Variants in PPP2R5E observed in about 807,000 individuals in gnomAD.
The protein encoded by PPP2R5E is protein phosphatase 2 regulatory subunit B'epsilon, also known as serine/threonine-protein phosphatase 2A 56 kDa regulatory subunit epsilon isoform.
In PPP2R5E, 4 loss-of-function variants were observed where a neutral mutation model predicts 65.3. The ratio of observed to expected loss-of-function variants is 0.06; its 90% CI spans 0.03 to 0.14. The LOEUF is 0.14. Ranked by LOEUF, PPP2R5E falls within the 10% of genes least tolerant of loss-of-function variation. The pLI is 1.00. For missense variants in PPP2R5E, 274 were observed against 556.1 expected, an observed-to-expected ratio of 0.49 and a Z score of 5.10; for synonymous variants, 183 against 187.4, an observed-to-expected ratio of 0.98 and a Z score of 0.19.
intron 2 of PPP2R5E, among the ~76,000 whole-genome samples, chr14:63,490,535 T>A (rs924671269): frequency 2.0e-5 from 3 of 150,478 alleles, no homozygotes; most frequent in Non-Finnish European, 4.4e-5. Context: ...CTCAAACAAA[T>A]CAACAAGAAA....
chr14:63,514,718 G>A (rs531459052), intron 2 of PPP2R5E, among the ~76,000 whole-genome samples: 2 of 152,234 alleles, frequency 1.3e-5, no homozygotes, highest in South Asian at 4.1e-4. Flanking sequence ...GAATACAATC[G>A]TAAATGGACA....
At chr14:63,483,917 T>C (rs1355374804) in intron 2 of PPP2R5E, among the ~76,000 whole-genome samples, 1 of 151,838 alleles carries the variant, frequency 6.6e-6, no homozygotes, top group Non-Finnish European at 1.5e-5. Flanking sequence ...ACCCTGTCTC[T>C]ACTAAAAATA....
At chr14:63,481,950 G>A (rs148550796) in intron 2 of PPP2R5E, among the ~76,000 whole-genome samples, 11 of 152,270 alleles carry the variant, frequency 7.2e-5, no homozygotes, top group Admixed American at 2.0e-4. Flanking sequence ...TTTAGAAGAT[G>A]ATGGTAGGAA....
chr14:63,426,699 CAAAAAAAAAAA>C (rs1191603099), intron 3 of PPP2R5E, among the ~76,000 whole-genome samples: 9 of 54,794 alleles, frequency 1.6e-4, no homozygotes, highest in South Asian at 8.2e-4. Flanking sequence ...AAAGGCTTAT[CAAAAAAAAAAA>C]AAAAAAAAAA....
intron 13 of PPP2R5E, among the ~76,000 whole-genome samples, chr14:63,379,852 T>TTTTTTC (rs1566660796): frequency 5.0e-5 from 7 of 140,976 alleles, no homozygotes; most frequent in African/African-American, 1.9e-4. Context: ...TTTTTTTTTT[T>TTTTTTC]GAGACAGAGT....
At chr14:63,427,784 T>A (rs906837988) in intron 3 of PPP2R5E, among the ~76,000 whole-genome samples, 5 of 152,130 alleles carry the variant, frequency 3.3e-5, no homozygotes, top group African/African-American at 1.2e-4. Context: ...GCTTTTAGAA[T>A]CAGATCAGGT....
chr14:63,497,528 C>CA (rs1188822887), intron 2 of PPP2R5E, among the ~76,000 whole-genome samples: 1 of 152,020 alleles, frequency 6.6e-6, no homozygotes, highest in Non-Finnish European at 1.5e-5. Context: ...AGAGGTGGAT[C>CA]ACCTGAGGTC....
intron 1 of PPP2R5E, 91 bp from the exon 2 acceptor site, chr14:63,539,783 A>G (rs1157469315): frequency 1.6e-6 from 2 of 1,288,576 alleles, no homozygotes; most frequent in Admixed American, 2.3e-5. Context: ...CATATACAAT[A>G]TTCATGAAAA....
chr14:63,508,115 T>G lies in PPP2R5E; in HGVS notation c.157+31414A>C, dbSNP rs1244460554. 5.2e-6 allele frequency: 5 copies of G among 960,046 alleles called. No homozygotes were observed. The African/African-American group carries it at 8.8e-5, about 17-fold the overall frequency. The allele number at this position is 960,046 out of a possible 1,614,324, so 59.5% of individuals were successfully genotyped here. On this transcript the variant is annotated intron_variant, in intron 2 of 13. Coordinates refer to ENST00000337537, the MANE Select transcript of PPP2R5E (RefSeq NM_006246.5). Reference sequence around the variant, plus strand: ...CCCTCCTTCCCACCCCCACACACACTTCTACACACACGAGTGTTCTCTTCC... The same window carrying G: ...CCCTCCTTCCCACCCCCACACACACGTCTACACACACGAGTGTTCTCTTCC...
chr14:63,521,858 G>A (rs1461132165), intron 2 of PPP2R5E, among the ~76,000 whole-genome samples: 2 of 152,214 alleles, frequency 1.3e-5, no homozygotes, highest in African/African-American at 2.4e-5. Context: ...TCCTTCTGAT[G>A]CATGGCTATC....
intron 2 of PPP2R5E, among the ~76,000 whole-genome samples, chr14:63,483,746 A>G (rs1890828679): frequency 3.3e-5 from 5 of 152,124 alleles, no homozygotes; most frequent in Admixed American, 2.6e-4. Flanking sequence ...GAAGAAAGGA[A>G]AGAGCAGAGC....
At chr14:63,530,226 GTTTTTT>G (rs555112537) in intron 2 of PPP2R5E, among the ~76,000 whole-genome samples, 6 of 99,484 alleles carry the variant, frequency 6.0e-5, no homozygotes, top group African/African-American at 1.2e-4. Context: ...AAATTTTTCC[GTTTTTT>G]TTTTTTTTTT....
chr14:63,387,924 G>A (rs1884768849), intron 11 of PPP2R5E, among the ~76,000 whole-genome samples: 1 of 152,182 alleles, frequency 6.6e-6, no homozygotes, highest in Non-Finnish European at 1.5e-5. Context: ...CCATCTGCAT[G>A]CCAGAAAGCA....
At chr14:63,422,605 A>AC (rs1350216934) in intron 3 of PPP2R5E, among the ~76,000 whole-genome samples, 6 of 152,068 alleles carry the variant, frequency 3.9e-5, no homozygotes, top group Admixed American at 1.3e-4. Context: ...AGGCACCTGT[A>AC]GTCCCAGCTA....
rs117361128 is a variant in PPP2R5E at position 63,435,573 on chromosome 14, T to G, written c.355-13479A>C. Among the ~76,000 whole-genome samples, 44 of 152,252 alleles carry G rather than the reference T, an allele frequency of 2.9e-4. No individual in the cohort carries two copies. In the East Asian group the frequency reaches 8.3e-3, roughly 29 times the overall value. On this transcript the variant is annotated intron_variant, in intron 3 of 13. Transcript: ENST00000337537. ...AGTAAGAATATAGTTTCATTTCACC[T>G]CCTGTTCAAAAATCCTTACAACTCC...
rs577951765 is a variant in PPP2R5E at position 63,433,584 on chromosome 14, CAT to C, written c.355-11492_355-11491del. Among the ~76,000 whole-genome samples, 575 of 152,116 alleles carry C rather than the reference CAT, an allele frequency of 3.8e-3. 2 individuals carry two copies. Among genetic ancestry groups the C allele is most frequent in the African/African-American group, 0.013 (542 of 41,544 alleles). On this transcript the variant is annotated intron_variant, in intron 3 of 13. Coordinates refer to ENST00000337537, the MANE Select transcript of PPP2R5E (RefSeq NM_006246.5). ...CTGAGTGGGTTTAGTCTCAATTCAA[CAT>C]AGTGTCCTACTTTCAGAAAGGTGCG...
chr14:63,407,464 A>C (rs1886150415), intron 5 of PPP2R5E, among the ~76,000 whole-genome samples: 1 of 152,198 alleles, frequency 6.6e-6, no homozygotes. Context: ...AAATCAGCTG[A>C]GGTTTATGAA....
At chr14:63,454,815 C>T (rs1889030902) in intron 2 of PPP2R5E, among the ~76,000 whole-genome samples, 1 of 152,204 alleles carries the variant, frequency 6.6e-6, no homozygotes, top group African/African-American at 2.4e-5. Flanking sequence ...AAAATTATAA[C>T]CAGGGTAGGC....
At chr14:63,430,357 A>G (rs1024284313) in intron 3 of PPP2R5E, among the ~76,000 whole-genome samples, 34 of 128,266 alleles carry the variant, frequency 2.7e-4, no homozygotes, top group Admixed American at 1.5e-3. Flanking sequence ...ATACATACAT[A>G]CATACATACA....
Sources: allele counts gnomAD v4.1 joint callset (sites outside exome capture counted in the v4.1 genomes callset), GRCh38; gene constraint gnomAD v4.1.1; transcripts MANE v1.5; gene names NCBI Gene and HGNC (gene_info 2026-07-23, HGNC 2026-07-21).